The following NEK7 variants were observed in gnomAD, a reference collection of about 807,000 sequenced individuals.
NEK7 encodes NIMA related kinase 7.
NEK7 carries 18 observed loss-of-function variants against 44.6 expected under a neutral mutation model. The ratio of observed to expected loss-of-function variants is 0.40; its 90% CI spans 0.28 to 0.60. NEK7 has a LOEUF of 0.60. Ranked by LOEUF, NEK7 falls within the 20% of genes least tolerant of loss-of-function variation. The probability of loss-of-function intolerance (pLI) is 0.38; values close to 1 mark genes in which losing one functional copy is unlikely to be tolerated. For missense variants in NEK7, 256 were observed against 366.5 expected, an observed-to-expected ratio of 0.70 and a Z score of 2.46; for synonymous variants, 130 against 121.1, an observed-to-expected ratio of 1.07 and a Z score of -0.48.
chr1:198,213,935 G>T (rs1665848936), intron 1 of NEK7, among the ~76,000 whole-genome samples: 1 of 152,118 alleles, frequency 6.6e-6, no homozygotes, highest in Non-Finnish European at 1.5e-5. Flanking sequence ...AATTTAAAAA[G>T]TGCACATCAC....
intron 9 of NEK7, among the ~76,000 whole-genome samples, chr1:198,316,967 T>C (rs961073819): frequency 2.0e-5 from 3 of 152,222 alleles, no homozygotes; most frequent in African/African-American, 7.2e-5. Flanking sequence ...TCTTGCAGAG[T>C]AGATCATCTA....
intron 3 of NEK7, among the ~76,000 whole-genome samples, chr1:198,260,969 T>A (rs895119328): frequency 1.3e-5 from 2 of 152,070 alleles, no homozygotes; most frequent in African/African-American, 4.8e-5. Context: ...TTTTTTAAAT[T>A]AAGACAAATT....
intron 9 of NEK7, among the ~76,000 whole-genome samples, chr1:198,299,333 C>T (rs1654810427): frequency 6.6e-6 from 1 of 152,178 alleles, no homozygotes; most frequent in Non-Finnish European, 1.5e-5. Context: ...AATATTTTCT[C>T]TCCTTAAGCA....
intron 7 of NEK7, among the ~76,000 whole-genome samples, chr1:198,290,360 T>G (rs1196889050): frequency 6.6e-6 from 1 of 152,110 alleles, no homozygotes; most frequent in African/African-American, 2.4e-5. Context: ...CTGAAAAAGG[T>G]TTTTGGAAAT....
chr1:198,201,501 T>A (rs1279703573), intron 1 of NEK7, among the ~76,000 whole-genome samples: 1 of 152,194 alleles, frequency 6.6e-6, no homozygotes, highest in Non-Finnish European at 1.5e-5. Flanking sequence ...ACAGAGAGCA[T>A]TTGATGCCTG....
At chr1:198,291,015 T>C (rs1237944302) in intron 7 of NEK7, among the ~76,000 whole-genome samples, 2 of 152,182 alleles carry the variant, frequency 1.3e-5, no homozygotes, top group African/African-American at 2.4e-5. Flanking sequence ...TGAGTTCAGT[T>C]TGTGTTGCAG....
intron 9 of NEK7, among the ~76,000 whole-genome samples, chr1:198,303,718 C>A (rs1449540641): frequency 1.3e-5 from 2 of 151,786 alleles, no homozygotes; most frequent in African/African-American, 4.8e-5. Context: ...ATACATTTTC[C>A]CAAGATTATT....
chr1:198,303,689 G>T (rs1048993397), intron 9 of NEK7, among the ~76,000 whole-genome samples: 1 of 152,018 alleles, frequency 6.6e-6, no homozygotes, highest in African/African-American at 2.4e-5. Flanking sequence ...TTAAGTTGGC[G>T]TTAGAGGATT....
intron 4 of NEK7, among the ~76,000 whole-genome samples, chr1:198,262,881 T>C (rs1301970996): frequency 6.6e-6 from 1 of 151,794 alleles, no homozygotes; most frequent in Non-Finnish European, 1.5e-5. Context: ...AGGAAATAGA[T>C]AAAATGGGCA....
At chr1:198,217,110 A>G (rs1402704937) in intron 1 of NEK7, among the ~76,000 whole-genome samples, 1 of 152,104 alleles carries the variant, frequency 6.6e-6, no homozygotes, top group Non-Finnish European at 1.5e-5. Context: ...TTATGAAGCT[A>G]GTGTCACCCT....
chr1:198,157,565 C>T (rs1236984981), intron 1 of NEK7, among the ~76,000 whole-genome samples: 1 of 152,216 alleles, frequency 6.6e-6, no homozygotes, highest in Admixed American at 6.5e-5. Flanking sequence ...ACTCCGTGGC[C>T]ACGGCGGCGG....
Position 198,276,408 on chromosome 1 carries a change from T to A in NEK7, c.373-1553T>A, listed in dbSNP as rs573599595. On this transcript the variant is annotated intron_variant, in intron 5 of 9. Coordinates refer to ENST00000367385, the MANE Select transcript of NEK7 (RefSeq NM_133494.3). ...ATCAAACAGTCCTCTGATATGCTAATCCAGCATCAGGGAGAGCACATATAC... is the reference window on the plus strand; with the variant it reads ...ATCAAACAGTCCTCTGATATGCTAAACCAGCATCAGGGAGAGCACATATAC... 3.6e-3 allele frequency among the ~76,000 whole-genome samples: 553 copies of A among 151,788 alleles called. 1 individual carries two copies. Among genetic ancestry groups the A allele is most frequent in the Non-Finnish European group, 5.9e-3 (398 of 67,692 alleles).
chr1:198,216,415 C>G (rs1191322151), intron 1 of NEK7, among the ~76,000 whole-genome samples: 1 of 151,918 alleles, frequency 6.6e-6, no homozygotes, highest in African/African-American at 2.4e-5. Flanking sequence ...ATCAAAATCT[C>G]TAGGATACAG....
intron 1 of NEK7, among the ~76,000 whole-genome samples, chr1:198,212,377 G>A (rs1365940930): frequency 6.6e-6 from 1 of 152,206 alleles, no homozygotes; most frequent in Non-Finnish European, 1.5e-5. Flanking sequence ...TCAGCTAGCC[G>A]CTGTTAGCAA....
At position 198,165,865 on chromosome 1, in the gene NEK7, A is replaced by G. The variant is rs560425066; in HGVS notation, c.-29+8589A>G. Among the ~76,000 whole-genome samples the G allele has an allele frequency of 3.9e-5, 6 of 152,368 alleles. No individual in the cohort carries two copies. In the South Asian group the frequency reaches 1.2e-3, roughly 32 times the overall value. ...TATCCATATTGGAAATCTGTTGTTTAGTGTAGCCACCTTTATCAATGATCT... is the reference window on the plus strand; with the variant it reads ...TATCCATATTGGAAATCTGTTGTTTGGTGTAGCCACCTTTATCAATGATCT... On this transcript the variant is annotated intron_variant, in intron 1 of 9. Coordinates refer to ENST00000367385, the MANE Select transcript of NEK7 (RefSeq NM_133494.3).
intron 7 of NEK7, among the ~76,000 whole-genome samples, chr1:198,288,924 G>A (rs902803332): frequency 6.6e-6 from 1 of 152,158 alleles, no homozygotes; most frequent in African/African-American, 2.4e-5. Context: ...GTTATCGGTT[G>A]CACTTCAAAG....
At position 198,228,672 on chromosome 1, in the gene NEK7, C is replaced by T. The variant is rs1165137971; in HGVS notation, c.-28-3881C>T. Among the ~76,000 whole-genome samples, 5 of 152,064 alleles carry T rather than the reference C, an allele frequency of 3.3e-5. 1 individual carries two copies. The highest frequency in any genetic ancestry group is 5.9e-5 in the Non-Finnish European group (4 of 68,032). On this transcript the variant is annotated intron_variant, in intron 1 of 9. Transcript: ENST00000367385. ...ACTCATGATTTGGCTCTCTGTTTGT[C>T]TGTTATTGGTGTATAAGAATGCTTA...
chr1:198,242,479 T>G (rs536064915), intron 2 of NEK7, among the ~76,000 whole-genome samples: 76 of 150,074 alleles, frequency 5.1e-4, no homozygotes, highest in African/African-American at 1.7e-3. Flanking sequence ...CTCACTTTTT[T>G]TTTTTTTTTT....
intron 9 of NEK7, among the ~76,000 whole-genome samples, chr1:198,315,408 C>T (rs969492955): frequency 5.9e-5 from 9 of 152,322 alleles, no homozygotes; most frequent in South Asian, 2.1e-4. Flanking sequence ...GCGTCGCTTA[C>T]GCTGGGAGCT....
Sources: gnomAD v4.1 joint callset for allele counts (sites outside exome capture counted in the v4.1 genomes callset) on GRCh38, gnomAD v4.1.1 for gene constraint, MANE v1.5 for transcripts, NCBI Gene and HGNC (gene_info 2026-07-23, HGNC 2026-07-21) for gene names.